The following MCM6 variants were observed in gnomAD, a reference collection of about 807,000 sequenced individuals.
MCM6 encodes minichromosome maintenance complex component 6.
Under a neutral mutation model 94.3 loss-of-function variants are expected in MCM6, and 46 were observed. The observed-to-expected ratio is 0.49, with a 90% CI of 0.39 to 0.62. The LOEUF (loss-of-function observed/expected upper bound fraction) is 0.62. Ranked by LOEUF, MCM6 falls within the 20% of genes least tolerant of loss-of-function variation. The pLI is 0.00. For synonymous variants in MCM6, 335 were observed against 351.9 expected, an observed-to-expected ratio of 0.95 and a Z score of 0.54; for missense variants, 865 against 1,017.9, an observed-to-expected ratio of 0.85 and a Z score of 2.04.
At chr2:135,856,333 C>CTT (rs947500116) in intron 11 of MCM6, among the ~76,000 whole-genome samples, 22 of 152,116 alleles carry the variant, frequency 1.4e-4, no homozygotes, top group African/African-American at 5.1e-4. Context: ...ATCCCAGCTA[C>CTT]TTGGGAGGCT....
chr2:135,854,182 A>T (rs1362016474), intron 11 of MCM6, among the ~76,000 whole-genome samples: 2 of 151,792 alleles, frequency 1.3e-5, no homozygotes, highest in African/African-American at 4.8e-5. Flanking sequence ...AACTGAGATC[A>T]TGCCACTGCA....
chr2:135,844,435 A>G (rs1679633718), intron 16 of MCM6, 110 bp downstream of exon 16: 1 of 922,534 alleles, frequency 1.1e-6, no homozygotes, highest in African/African-American at 1.7e-5. Flanking sequence ...CTACACTCCA[A>G]TGATTCAAAA....
At chr2:135,863,054 G>C (rs1383944924) in intron 7 of MCM6, among the ~76,000 whole-genome samples, 1 of 152,138 alleles carries the variant, frequency 6.6e-6, no homozygotes, top group African/African-American at 2.4e-5. Flanking sequence ...CAATGCCTTA[G>C]CCCTCAAAGA....
rs760856661 is a variant in MCM6, at chr2:135,868,875, A to G, written c.366-15T>C. On this transcript the variant is annotated splice_polypyrimidine_tract_variant and intron_variant, in intron 3 of 16. Transcript: ENST00000264156. ...GCTCTCGAATCCTGTTTAAAGACAA[A>G]TGTCCCATTAGTAAACATTCATCTC... The G allele has an allele frequency of 6.2e-7, 1 of 1,610,846 alleles. No homozygotes were observed. Among genetic ancestry groups the G allele is most frequent in the South Asian group, 1.1e-5 (1 of 91,016 alleles).
rs540325321 is a variant in MCM6, at chr2:135,840,583, G to A, written c.*252C>T. 153 of 440,066 alleles carry A rather than the reference G, an allele frequency of 3.5e-4. 2 individuals are homozygous for A. The South Asian group carries it at 4.5e-3, about 13-fold the overall frequency. The allele number at this position is 440,066 out of a possible 1,614,324, so 27.3% of individuals were successfully genotyped here. A position where few individuals can be genotyped will look rare whatever the true frequency, so the allele number is the denominator to read the frequency against. Reference sequence around the variant, plus strand: ...TGAAAACAAAGGTATTGGTTATAGAGACTACACATTATTTGGTTCCAACTT... The same window carrying A: ...TGAAAACAAAGGTATTGGTTATAGAAACTACACATTATTTGGTTCCAACTT... On this transcript the variant is annotated 3_prime_UTR_variant, in exon 17 of 17. Transcript: ENST00000264156.
At chr2:135,851,687 A>G (rs1679782391) in intron 12 of MCM6, 124 bp from the exon 13 acceptor site, 2 of 685,090 alleles carry the variant, frequency 2.9e-6, no homozygotes, top group Non-Finnish European at 4.4e-6. Flanking sequence ...AAACTTTGAG[A>G]AGCCAGTGAC....
chr2:135,847,010 T>TA (rs201049000), intron 14 of MCM6, among the ~76,000 whole-genome samples: 1,755 of 142,806 alleles, frequency 0.012, 25 homozygotes, highest in Admixed American at 0.029. Context: ...ATCTCAAAAA[T>TA]AAAAAAAAAC....
chr2:135,876,404 A>C lies in MCM6; in HGVS notation c.-39T>G. On this transcript the variant is annotated 5_prime_UTR_variant, in exon 1 of 17. Coordinates refer to ENST00000264156, the MANE Select transcript of MCM6 (RefSeq NM_005915.6). ...CGAGGATTCGCCTGCGCCACGCTCGACCGCCACAAGTCGCTTTTTTCCAGA... is the reference window on the plus strand; with the variant it reads ...CGAGGATTCGCCTGCGCCACGCTCGCCCGCCACAAGTCGCTTTTTTCCAGA... 1 of 1,525,448 alleles carries C rather than the reference A, an allele frequency of 6.6e-7. No individual in the cohort carries two copies. Among genetic ancestry groups the C allele is most frequent in the Non-Finnish European group, 8.8e-7 (1 of 1,131,876 alleles). The allele number at this position is 1,525,448 out of a possible 1,614,324, so 94.5% of individuals were successfully genotyped here.
At position 135,865,022 on chromosome 2, in the gene MCM6, T is replaced by C; in HGVS notation, c.1069A>G (p.Thr357Ala). The change falls in exon 7 of 17, where the codon ACT becomes GCT. Residue 357 changes from threonine to alanine, a missense_variant. By Grantham distance (58) the Thr-to-Ala change is moderately conservative. Coordinates refer to ENST00000264156, the MANE Select transcript of MCM6 (RefSeq NM_005915.6). The part of the protein sequence containing the change: ...YHNLCTSLFP[T>A]IHGNDEVKRG... ...TGGATGGAATTCTTACCATGTATAG[T>C]AGGGAACAGGCTGGTACAAAGATTG... The C allele has an allele frequency of 1.4e-6, 2 of 1,458,742 alleles. No individual in the cohort carries two copies. The highest frequency in any genetic ancestry group is 1.8e-6 in the Non-Finnish European group (2 of 1,101,886). 90.4% of individuals were successfully genotyped at this position (1,458,742 alleles called of 1,614,324 possible).
intron 14 of MCM6, among the ~76,000 whole-genome samples, chr2:135,847,771 C>T (rs185593242): frequency 4.6e-5 from 7 of 152,298 alleles, no homozygotes; most frequent in Admixed American, 3.9e-4. Flanking sequence ...ACCATATTGG[C>T]CAGGGTGGTC....
chr2:135,865,217 A>C, intron 6 of MCM6, 54 bp from the exon 7 acceptor site: 1 of 1,272,694 alleles, frequency 7.9e-7, no homozygotes, highest in Non-Finnish European at 1.0e-6. Context: ...TCAAAAGAGC[A>C]TAAAGGAGAA....
At chr2:135,860,139 A>T (rs968531680) in intron 8 of MCM6, among the ~76,000 whole-genome samples, 2 of 146,054 alleles carry the variant, frequency 1.4e-5, no homozygotes, top group Admixed American at 6.9e-5. Context: ...TAATTTAATT[A>T]ATTTATTTAT....
intron 3 of MCM6, among the ~76,000 whole-genome samples, chr2:135,869,701 A>G (rs928245829): frequency 2.2e-4 from 34 of 152,224 alleles, no homozygotes; most frequent in African/African-American, 8.0e-4. Context: ...ATTTAAACCA[A>G]CAAAAATTTC....
chr2:135,857,269 A>G (rs1438697907), intron 10 of MCM6, among the ~76,000 whole-genome samples: 1 of 152,224 alleles, frequency 6.6e-6, no homozygotes, highest in Non-Finnish European at 1.5e-5. Context: ...TGTGCTGGTA[A>G]AAGATTGCCA....
intron 1 of MCM6, among the ~76,000 whole-genome samples, chr2:135,875,668 A>G (rs1558765445): frequency 6.6e-6 from 1 of 152,212 alleles, no homozygotes; most frequent in Non-Finnish European, 1.5e-5. Flanking sequence ...AAGGAAGGCC[A>G]GAGGGAAAGG....
At chr2:135,842,348 G>A (rs1042048576) in intron 16 of MCM6, among the ~76,000 whole-genome samples, 4 of 152,076 alleles carry the variant, frequency 2.6e-5, no homozygotes, top group Non-Finnish European at 4.4e-5. Context: ...ACAGGAAAAC[G>A]GTTTTTGAGA....
chr2:135,848,179 T>C lies in MCM6; in HGVS notation c.1927A>G (p.Lys643Glu). Reference sequence around the variant, plus strand: ...AACCGGAAAGCTTCCTTCACATGTTTAGGTTGGACCTAAACCAATAATGAT... The same window carrying C: ...AACCGGAAAGCTTCCTTCACATGTTCAGGTTGGACCTAAACCAATAATGAT... ...RMHCCDEVQP[K>E]HVKEAFRLLN... The change falls in exon 14 of 17, where the codon AAA (lysine) becomes GAA (glutamate). Residue 643 changes from lysine to glutamate, a missense_variant. Transcript: ENST00000264156. The C allele has an allele frequency of 6.2e-7, 1 of 1,611,182 alleles. No individual in the cohort carries two copies. The highest frequency in any genetic ancestry group is 8.5e-7 in the Non-Finnish European group (1 of 1,177,524).
chr2:135,842,135 G>C (rs934808461), intron 16 of MCM6, among the ~76,000 whole-genome samples: 2 of 150,916 alleles, frequency 1.3e-5, no homozygotes, highest in African/African-American at 4.9e-5. Flanking sequence ...TAAATAAATA[G>C]GTAATTCAAG....
intron 16 of MCM6, among the ~76,000 whole-genome samples, chr2:135,842,330 C>T (rs551379087): frequency 2.6e-5 from 4 of 152,156 alleles, no homozygotes; most frequent in Admixed American, 1.3e-4. Context: ...ACAGACTGAT[C>T]TACCTTCACA....
Sources: gnomAD v4.1 joint callset for allele counts (sites outside exome capture counted in the v4.1 genomes callset) on GRCh38, gnomAD v4.1.1 for gene constraint, MANE v1.5 for transcripts, NCBI Gene and HGNC (gene_info 2026-07-23, HGNC 2026-07-21) for gene names.